The following PHF2 variants were observed in gnomAD, a reference collection of about 807,000 sequenced individuals.
PHF2 encodes the protein PHD finger protein 2.
A neutral mutation model predicts 120.5 loss-of-function variants in PHF2; 27 were observed. The observed-to-expected ratio is 0.22, with a 90% CI of 0.17 to 0.31. The LOEUF (loss-of-function observed/expected upper bound fraction) is 0.31, where lower values mean the gene tolerates loss of function less well. Among genes scored for constraint, PHF2 ranks in the 10% least tolerant of loss-of-function variants. The pLI is 1.00. For synonymous variants in PHF2, 568 were observed against 592.5 expected (o/e 0.96, Z 0.60); for missense variants, 1,024 against 1,434.8 (o/e 0.71, Z 4.63).
chr9:93,624,750 TAATG>T (rs1825882887), intron 1 of PHF2, among the ~76,000 whole-genome samples: 2 of 151,104 alleles, frequency 1.3e-5, no homozygotes, highest in Non-Finnish European at 2.9e-5. Context: ...ATGGTAATGA[TAATG>T]ATGATGGTGG....
At chr9:93,602,403 C>T (rs186776784) in intron 1 of PHF2, among the ~76,000 whole-genome samples, 2,325 of 151,906 alleles carry the variant, frequency 0.015, 64 homozygotes, top group African/African-American at 0.052. Flanking sequence ...CAGGCACACA[C>T]CGCCACGCCT....
intron 1 of PHF2, among the ~76,000 whole-genome samples, chr9:93,578,162 G>GGCCT (rs1587655578): frequency 6.6e-6 from 1 of 152,120 alleles, no homozygotes; most frequent in African/African-American, 2.4e-5. Flanking sequence ...GATGTGACAG[G>GGCCT]GCCTGCTATG....
intron 1 of PHF2, among the ~76,000 whole-genome samples, chr9:93,579,771 C>T (rs1275834224): frequency 6.6e-6 from 1 of 152,238 alleles, no homozygotes; most frequent in Non-Finnish European, 1.5e-5. Flanking sequence ...GAGAGGGTCT[C>T]TAAGTCATCA....
At chr9:93,648,034 A>G (rs1826291858) in intron 4 of PHF2, among the ~76,000 whole-genome samples, 1 of 152,178 alleles carries the variant, frequency 6.6e-6, no homozygotes, top group African/African-American at 2.4e-5. Flanking sequence ...GGCACGTAAG[A>G]CCCAGTTTAA....
At chr9:93,663,967 C>G (rs544799173) in intron 14 of PHF2, among the ~76,000 whole-genome samples, 1 of 152,252 alleles carries the variant, frequency 6.6e-6, no homozygotes, top group Non-Finnish European at 1.5e-5. Context: ...TCCCACCACG[C>G]TCCACCTGTA....
At chr9:93,670,648 G>A (rs1198384274) in intron 17 of PHF2, among the ~76,000 whole-genome samples, 2 of 152,188 alleles carry the variant, frequency 1.3e-5, no homozygotes, top group African/African-American at 4.8e-5. Context: ...CTTGGCCTTG[G>A]GGGTCCTTGC....
chr9:93,618,160 T>G (rs1003619700), intron 1 of PHF2, among the ~76,000 whole-genome samples: 2 of 152,254 alleles, frequency 1.3e-5, no homozygotes, highest in African/African-American at 2.4e-5. Flanking sequence ...TTGGGGAAGC[T>G]GGGGTCACAG....
chr9:93,630,122 G>A (rs933561879), intron 2 of PHF2, 67 bp downstream of exon 2: 95 of 1,488,534 alleles, frequency 6.4e-5, no homozygotes, highest in South Asian at 1.0e-4. Flanking sequence ...CCTGGGCTGC[G>A]TGGAGGGTGA....
chr9:93,639,646 C>T (rs1277331070), intron 3 of PHF2, among the ~76,000 whole-genome samples: 1 of 152,152 alleles, frequency 6.6e-6, no homozygotes, highest in African/African-American at 2.4e-5. Context: ...GTCAGGGCCC[C>T]CCTCAGCACT....
intron 10 of PHF2, among the ~76,000 whole-genome samples, chr9:93,659,161 G>A (rs932608721): frequency 6.6e-5 from 10 of 152,340 alleles, no homozygotes; most frequent in Admixed American, 1.3e-4. Flanking sequence ...CACCACCTCC[G>A]TCAGGCCTCA....
chr9:93,612,343 T>C (rs1395708799), intron 1 of PHF2, among the ~76,000 whole-genome samples: 2 of 152,166 alleles, frequency 1.3e-5, no homozygotes, highest in Non-Finnish European at 2.9e-5. Flanking sequence ...TTGCCAAGAA[T>C]ATGGGAGAAT....
chr9:93,651,755 C>T (rs749952000), intron 5 of PHF2, among the ~76,000 whole-genome samples: 22 of 152,190 alleles, frequency 1.4e-4, no homozygotes, highest in Non-Finnish European at 2.6e-4. Context: ...GACCTCCTCC[C>T]GCCAACTCAG....
In PHF2 at chr9:93,677,779, C is replaced by T; in HGVS notation, c.*103C>T. On this transcript the variant is annotated 3_prime_UTR_variant, in exon 22 of 22. Coordinates refer to ENST00000359246, the MANE Select transcript of PHF2 (RefSeq NM_005392.4). This position sits in a 1 kb window ranked among gnomAD's most constrained non-coding sequence, Gnocchi z 4.4. ...GCCGAGCTGCCTCACCAGGGAGGGC[C>T]TTGCCTCTTCCCGGCTGCCATCTCC... is the stretch of plus-strand genomic sequence containing the variant. 1 of 794,256 alleles carries T rather than the reference C, an allele frequency of 1.3e-6. No individual in the cohort carries two copies. Among genetic ancestry groups the T allele is most frequent in the Non-Finnish European group, 2.1e-6 (1 of 477,022 alleles). 49.2% of individuals were successfully genotyped at this position (794,256 alleles called of 1,614,324 possible). A position where few individuals can be genotyped will look rare whatever the true frequency, so the allele number is the denominator to read the frequency against.
chr9:93,627,791 G>A (rs534456508), intron 1 of PHF2, among the ~76,000 whole-genome samples: 1 of 152,306 alleles, frequency 6.6e-6, no homozygotes, highest in African/African-American at 2.4e-5. Flanking sequence ...TTAATATGGT[G>A]TAATGTGTCT....
intron 1 of PHF2, among the ~76,000 whole-genome samples, chr9:93,602,910 C>A (rs1307409295): frequency 1.3e-5 from 2 of 152,168 alleles, no homozygotes; most frequent in African/African-American, 4.8e-5. Flanking sequence ...AACCTTCTGG[C>A]TCTCCCAGAG....
chr9:93,596,693 GT>G (rs2131611478), intron 1 of PHF2, among the ~76,000 whole-genome samples: 1 of 152,012 alleles, frequency 6.6e-6, no homozygotes, highest in African/African-American at 2.4e-5. Flanking sequence ...AGCTGAGCAT[GT>G]GTCTCTGGGC....
At chr9:93,620,679 G>A (rs1825810681) in intron 1 of PHF2, among the ~76,000 whole-genome samples, 1 of 152,218 alleles carries the variant, frequency 6.6e-6, no homozygotes, top group African/African-American at 2.4e-5. Context: ...CTGCTAACAT[G>A]GCCTTGGGAT....
Position 93,576,721 on chromosome 9 carries a change from G to A in PHF2, c.-53G>A. ...GCGGCCCGGCCCCCGGCCCGGCCCG[G>A]ACCGACCCGGGCAGCGCAGCGGCGG... On this transcript the variant is annotated 5_prime_UTR_variant, in exon 1 of 22. Coordinates refer to ENST00000359246, the MANE Select transcript of PHF2 (RefSeq NM_005392.4). 2 of 924,108 alleles carry A rather than the reference G, an allele frequency of 2.2e-6. No individual in the cohort carries two copies. Among genetic ancestry groups the A allele is most frequent in the Non-Finnish European group, 2.6e-6 (2 of 756,192 alleles). The allele number at this position is 924,108 out of a possible 1,614,324, so 57.2% of individuals were successfully genotyped here.
At chr9:93,636,224 GT>G (rs1157540814) in intron 2 of PHF2, among the ~76,000 whole-genome samples, 186 bp from the exon 3 acceptor site, 2 of 152,070 alleles carry the variant, frequency 1.3e-5, no homozygotes, top group African/African-American at 4.8e-5. Flanking sequence ...CGAGGTCGAG[GT>G]AGGGGGTTGA....
Sources: allele counts gnomAD v4.1 joint callset (sites outside exome capture counted in the v4.1 genomes callset), GRCh38; gene constraint gnomAD v4.1.1; non-coding constraint Gnocchi (gnomAD v3.1); transcripts MANE v1.5; gene names NCBI Gene and HGNC (gene_info 2026-07-23, HGNC 2026-07-21).